The following TLR2 variants were observed in gnomAD, a reference collection of about 807,000 sequenced individuals.
TLR2 encodes toll-like receptor 2.
In TLR2, 7 loss-of-function variants were observed where a neutral mutation model predicts 9.1. That is an observed-to-expected ratio of 0.77 (90% CI 0.44 to 1.44). The LOEUF (loss-of-function observed/expected upper bound fraction) is 1.44, where lower values mean the gene tolerates loss of function less well. Among genes scored for constraint, TLR2 ranks in the 40% most tolerant of loss-of-function variants. TLR2 has a pLI of 0.01. For missense variants in TLR2, 812 were observed against 904.6 expected, an observed-to-expected ratio of 0.90 and a Z score of 1.31; for synonymous variants, 317 against 344.6, an observed-to-expected ratio of 0.92 and a Z score of 0.89.
In TLR2 at chr4:153,704,276, A is replaced by G. The variant is rs1467939014; in HGVS notation, c.1369A>G (p.Lys457Glu). The change falls in exon 3 of 3, where the codon AAG (lysine) becomes GAG (glutamate). Residue 457 changes from lysine (K) to glutamate (E), a missense_variant. By Grantham distance (56) the Lys-to-Glu change is moderately conservative (BLOSUM62 1). Transcript: ENST00000642700. Reference protein sequence around the residue: ...RIHSVTGCIPKTLEILDVSNN... With the variant: ...RIHSVTGCIPETLEILDVSNN... The stretch of plus-strand genomic sequence containing the variant: ...ACACAGTGTAACAGGCTGCATTCCC[A>G]AGACACTGGAAATTTTAGATGTTAG... 2.2e-5 allele frequency: 35 copies of G among 1,614,114 alleles called. No individual in the cohort carries two copies. Among genetic ancestry groups the G allele is most frequent in the Non-Finnish European group, 2.9e-5 (34 of 1,180,010 alleles).
intron 2 of TLR2, among the ~76,000 whole-genome samples, chr4:153,691,097 G>T (rs569942762): frequency 6.6e-6 from 1 of 152,280 alleles, no homozygotes; most frequent in African/African-American, 2.4e-5. Flanking sequence ...GAAGTATAGG[G>T]CGTGTGAAAA....
chr4:153,694,691 A>G (rs1035048617), intron 2 of TLR2, among the ~76,000 whole-genome samples: 8 of 152,226 alleles, frequency 5.3e-5, no homozygotes, highest in Non-Finnish European at 8.8e-5. Context: ...AAACAATCCA[A>G]TTAAACCTTT....
chr4:153,692,014 G>A (rs1050777538), intron 2 of TLR2, among the ~76,000 whole-genome samples: 6 of 152,088 alleles, frequency 3.9e-5, no homozygotes, highest in South Asian at 2.1e-4. Context: ...AATTTTTTAC[G>A]AGTAGGTTCA....
intron 2 of TLR2, among the ~76,000 whole-genome samples, chr4:153,693,086 G>A (rs528702724): frequency 5.6e-4 from 85 of 152,280 alleles, no homozygotes; most frequent in African/African-American, 1.9e-3. Context: ...GGCATAATCA[G>A]GAGCTGTGCT....
chr4:153,704,079 CTTTAAT>C lies in TLR2; in HGVS notation c.1178_1183del (p.Ile393_Leu394del), dbSNP rs779902855. The stretch of plus-strand genomic sequence containing the variant: ...GAGGATGCCTGGCCCTCTCTACAAA[CTTTAAT>C]TTTAAGGCAAAATCATTTGGCATCA... On this transcript the variant is annotated inframe_deletion, in exon 3 of 3. Transcript: ENST00000642700. 6.2e-7 allele frequency: 1 copy of C among 1,614,046 alleles called. No homozygotes were observed. Among genetic ancestry groups the C allele is most frequent in the East Asian group, 2.2e-5 (1 of 44,876 alleles).
At chr4:153,708,929 A>G (rs1281622369), downstream of TLR2, among the ~76,000 whole-genome samples, 1 of 152,162 alleles carries the variant, frequency 6.6e-6, no homozygotes, top group Non-Finnish European at 1.5e-5. Context: ...AAGTTACTCA[A>G]ACAGCTACAG....
At chr4:153,686,947 A>AT (rs1470637338) in intron 1 of TLR2, among the ~76,000 whole-genome samples, 12 of 152,168 alleles carry the variant, frequency 7.9e-5, no homozygotes, top group Non-Finnish European at 1.8e-4. Flanking sequence ...CATAGAGTAA[A>AT]TTGCAATACA....
At chr4:153,697,430 C>T (rs914212392) in intron 2 of TLR2, among the ~76,000 whole-genome samples, 2 of 152,090 alleles carry the variant, frequency 1.3e-5, no homozygotes, top group South Asian at 4.2e-4. Context: ...GACCTGAGTT[C>T]ACCTTATTAA....
At chr4:153,697,223 C>A (rs1269674087) in intron 2 of TLR2, among the ~76,000 whole-genome samples, 5 of 151,940 alleles carry the variant, frequency 3.3e-5, no homozygotes, top group Admixed American at 2.6e-4. Flanking sequence ...CAAAAACATA[C>A]TGACACAGAA....
At chr4:153,707,850 G>A (rs1187069659), downstream of TLR2, among the ~76,000 whole-genome samples, 1 of 152,208 alleles carries the variant, frequency 6.6e-6, no homozygotes, top group African/African-American at 2.4e-5. Flanking sequence ...GCTGAGGTGG[G>A]AGGATCACCT....
At chr4:153,685,470 T>G in intron 1 of TLR2, among the ~76,000 whole-genome samples, 1 of 152,180 alleles carries the variant, frequency 6.6e-6, no homozygotes, top group Admixed American at 6.5e-5. Flanking sequence ...AAAGAGCAAC[T>G]GTAGCTATGG....
intron 1 of TLR2, among the ~76,000 whole-genome samples, chr4:153,684,682 G>A (rs1001621188): frequency 1.3e-5 from 2 of 152,210 alleles, no homozygotes; most frequent in African/African-American, 4.8e-5. Flanking sequence ...TCGGGACCCC[G>A]CGCGTGCAGT....
intron 2 of TLR2, among the ~76,000 whole-genome samples, chr4:153,699,044 T>G (rs1290316283): frequency 6.6e-6 from 1 of 152,184 alleles, no homozygotes; most frequent in Non-Finnish European, 1.5e-5. Context: ...TTAGACAGTT[T>G]GTAGACGAAT....
At chr4:153,684,637 G>A (rs879659082) in intron 1 of TLR2, among the ~76,000 whole-genome samples, 17 of 152,220 alleles carry the variant, frequency 1.1e-4, no homozygotes, top group Non-Finnish European at 1.9e-4. Context: ...GGGGCTACAC[G>A]GAAAGGGAGC....
chr4:153,689,965 C>T (rs1368157807), intron 2 of TLR2, among the ~76,000 whole-genome samples: 4 of 152,192 alleles, frequency 2.6e-5, no homozygotes, highest in East Asian at 3.8e-4. Context: ...AGAGGGTCCT[C>T]GGGATCCTCC....
intron 2 of TLR2, among the ~76,000 whole-genome samples, chr4:153,690,683 C>G (rs1736048470): frequency 6.6e-6 from 1 of 152,230 alleles, no homozygotes. Flanking sequence ...CACCATTTGG[C>G]AAGTTGGGCA....
intron 2 of TLR2, among the ~76,000 whole-genome samples, chr4:153,700,308 T>C (rs1164534840): frequency 6.6e-6 from 1 of 152,172 alleles, no homozygotes; most frequent in Non-Finnish European, 1.5e-5. Context: ...TCATATCACA[T>C]ATATAAATAT....
intron 2 of TLR2, among the ~76,000 whole-genome samples, chr4:153,694,443 A>AAGCTG (rs1736347061): frequency 6.6e-6 from 1 of 152,244 alleles, no homozygotes; most frequent in Non-Finnish European, 1.5e-5. Flanking sequence ...CAAAGAAGAA[A>AAGCTG]AGCTGCTTAA....
intron 2 of TLR2, among the ~76,000 whole-genome samples, chr4:153,697,764 A>T (rs991278159): frequency 1.3e-5 from 2 of 152,198 alleles, no homozygotes; most frequent in Non-Finnish European, 2.9e-5. Context: ...GAATTGTTAA[A>T]TTATAAGTGA....
Sources: gnomAD v4.1 joint callset for allele counts (sites outside exome capture counted in the v4.1 genomes callset) on GRCh38, gnomAD v4.1.1 for gene constraint, MANE v1.5 for transcripts, NCBI Gene and HGNC (gene_info 2026-07-23, HGNC 2026-07-21) for gene names.